Variants in ZNF496 observed in about 807,000 individuals in gnomAD.
ZNF496 encodes zinc finger protein 496, also known as NSD1 (nuclear receptor binding SET-domain containing 1)-interacting zinc finger protein 1.
In ZNF496, 11 loss-of-function variants were observed where a neutral mutation model predicts 58.9. That is an observed-to-expected ratio of 0.19 (90% CI 0.12 to 0.31). ZNF496 has a LOEUF of 0.31. Ranked by LOEUF, ZNF496 falls within the 10% of genes least tolerant of loss-of-function variation. The probability of loss-of-function intolerance (pLI) is 1.00; values close to 1 mark genes in which losing one functional copy is unlikely to be tolerated. For missense variants in ZNF496, 660 were observed against 783.0 expected (o/e 0.84, Z 1.88); for synonymous variants, 338 against 318.2 (o/e 1.06, Z -0.66).
intron 9 of ZNF496, chr1:247,307,384 T>G (rs1473222082): frequency 1.0e-6 from 1 of 985,330 alleles, no homozygotes; most frequent in African/African-American, 1.7e-5. Flanking sequence ...AAAACTCCTG[T>G]GTATAAATGA....
rs773378387 is a variant in ZNF496, at chr1:247,308,602, G to A, written c.893-14C>T. The stretch of plus-strand genomic sequence containing the variant: ...GACTTGGAGAGTCTTTCCAGAGGAG[G>A]AAATGGAAAAATTGATTTGTTTTGC... On this transcript the variant is annotated splice_polypyrimidine_tract_variant and intron_variant, in intron 8 of 9. Transcript: ENST00000682384. The surrounding 1 kb of genome is among the most constrained non-coding windows in gnomAD (Gnocchi z 4.5). 48 of 1,610,990 alleles carry A rather than the reference G, an allele frequency of 3.0e-5. No individual in the cohort carries two copies. The highest frequency in any genetic ancestry group is 1.5e-4 in the Admixed American group (9 of 59,974).
At chr1:247,328,547 C>T in intron 5 of ZNF496, 136 bp downstream of exon 5, 1 of 897,694 alleles carries the variant, frequency 1.1e-6, no homozygotes. Context: ...ACCCTGACAA[C>T]AGCTCACAGC....
chr1:247,310,590 T>C, intron 6 of ZNF496, 134 bp from the exon 7 acceptor site: 2 of 1,183,352 alleles, frequency 1.7e-6, no homozygotes, highest in South Asian at 3.1e-5. Context: ...TTCCTCACAG[T>C]TCTGGAGGCT....
rs1648105048 is a variant in ZNF496 at position 247,300,055 on chromosome 1, A to C, written c.*464T>G. ...CCTGCCTTCTTCTTTCCTCTAGTCC[A>C]ACATCCGCCAGCAGCTTCTCAGTGG... On this transcript the variant is annotated 3_prime_UTR_variant, in exon 10 of 10. Transcript: ENST00000682384. The surrounding 1 kb of genome is among the most constrained non-coding windows in gnomAD (Gnocchi z 5.7). The C allele has an allele frequency of 6.5e-6, 1 of 154,282 alleles. No homozygotes were observed. The highest frequency in any genetic ancestry group is 1.4e-5 in the Non-Finnish European group (1 of 69,628). The allele number at this position is 154,282 out of a possible 1,614,324, so 9.6% of individuals were successfully genotyped here.
At chr1:247,305,658 A>G (rs550914055) in intron 9 of ZNF496, among the ~76,000 whole-genome samples, 18 of 152,264 alleles carry the variant, frequency 1.2e-4, no homozygotes, top group Non-Finnish European at 2.4e-4. Flanking sequence ...GTGAAAAACC[A>G]AAATGATAAA....
Position 247,297,719 on chromosome 1 carries a change from T to A in ZNF496, c.*2800A>T, listed in dbSNP as rs1659128056. 6.6e-6 allele frequency: 1 copy of A among 152,280 alleles called. No homozygotes were observed. Among genetic ancestry groups the A allele is most frequent in the Non-Finnish European group, 1.5e-5 (1 of 68,082 alleles). The allele number at this position is 152,280 out of a possible 1,614,324, so 9.4% of individuals were successfully genotyped here. ...TTGGCCGACCTCTCCTGAGAGCACG[T>A]TCCCCCTGCTGCTCCTGCTGCATGG... On this transcript the variant is annotated 3_prime_UTR_variant, in exon 10 of 10. Coordinates refer to ENST00000682384, the MANE Select transcript of ZNF496 (RefSeq NM_032752.3).
intron 9 of ZNF496, among the ~76,000 whole-genome samples, chr1:247,303,055 C>T (rs1353894195): frequency 1.3e-5 from 2 of 152,186 alleles, no homozygotes; most frequent in Non-Finnish European, 2.9e-5. Context: ...CATGATGAAG[C>T]CCTAACCCAT....
rs779324954 is a variant in ZNF496, at chr1:247,308,641, C to T, written c.893-53G>A. 8 of 1,519,072 alleles carry T rather than the reference C, an allele frequency of 5.3e-6. No individual in the cohort carries two copies. The highest frequency in any genetic ancestry group is 3.4e-4 in the Middle Eastern group (2 of 5,888). 94.1% of individuals were successfully genotyped at this position (1,519,072 alleles called of 1,614,324 possible). On this transcript the variant is annotated intron_variant, in intron 8 of 9. Transcript: ENST00000682384. The surrounding 1 kb of genome is among the most constrained non-coding windows in gnomAD (Gnocchi z 4.5). ...GATTTGTTTTGCACCTACAGCACTA[C>T]CTGGGAGGGTGCTATCCGAATAGAT...
At chr1:247,307,882 C>T (rs1160062751) in intron 9 of ZNF496, 23 of 984,954 alleles carry the variant, frequency 2.3e-5, no homozygotes, top group South Asian at 4.7e-5. Flanking sequence ...TTTACCAAGA[C>T]GACTCAGAGT....
At chr1:247,303,497 T>A (rs1659311760) in intron 9 of ZNF496, among the ~76,000 whole-genome samples, 1 of 152,222 alleles carries the variant, frequency 6.6e-6, no homozygotes. Flanking sequence ...CTGAAGTGCA[T>A]GTTTAAAAAG....
chr1:247,327,126 G>A (rs1474250651), intron 5 of ZNF496, among the ~76,000 whole-genome samples: 3 of 152,052 alleles, frequency 2.0e-5, no homozygotes, highest in Non-Finnish European at 4.4e-5. Flanking sequence ...ATGCAATGGC[G>A]TGATCTCAGC....
At chr1:247,301,475 C>T (rs1360059712) in intron 9 of ZNF496, among the ~76,000 whole-genome samples, 199 bp from the exon 10 acceptor site, 1 of 152,186 alleles carries the variant, frequency 6.6e-6, no homozygotes, top group Non-Finnish European at 1.5e-5. Flanking sequence ...ATGGGCCCCG[C>T]TGTGTCCAGA....
At chr1:247,327,560 C>T (rs1197340730) in intron 5 of ZNF496, among the ~76,000 whole-genome samples, 1 of 152,132 alleles carries the variant, frequency 6.6e-6, no homozygotes, top group Admixed American at 6.5e-5. Context: ...TTATGGCAGC[C>T]AACAACACAC....
Position 247,300,969 on chromosome 1 carries a change from C to T in ZNF496, c.1314G>A (p.Ser438=), listed in dbSNP as rs758785809. The change falls in exon 10 of 10, where the codon TCG becomes TCA. Residue 438 remains serine, a synonymous_variant. Coordinates refer to ENST00000682384, the MANE Select transcript of ZNF496 (RefSeq NM_032752.3). This position sits in a 1 kb window ranked among gnomAD's most constrained non-coding sequence, Gnocchi z 5.7. ...TGTCGCTGAACAGCTCCCCGCACAC[C>T]GAGCACTCGTGCGGCTTCTCCTGCT... ...RREQEKPHEC[S]VCGELFSDSE... 13 of 1,613,924 alleles carry T rather than the reference C, an allele frequency of 8.1e-6. No homozygotes were observed. Among genetic ancestry groups the T allele is most frequent in the East Asian group, 6.7e-5 (3 of 44,888 alleles).
In ZNF496 at chr1:247,331,520, C is replaced by A. The variant is rs1351585334; in HGVS notation, c.-242G>T. 1.3e-5 allele frequency: 2 copies of A among 152,270 alleles called. No homozygotes were observed. Among genetic ancestry groups the A allele is most frequent in the Non-Finnish European group, 2.9e-5 (2 of 68,112 alleles). The allele number at this position is 152,270 out of a possible 1,614,324, so 9.4% of individuals were successfully genotyped here. On this transcript the variant is annotated 5_prime_UTR_variant, in exon 2 of 10. Coordinates refer to ENST00000682384, the MANE Select transcript of ZNF496 (RefSeq NM_032752.3). ...GGGCAGCCGTCCTCATCCTCCCAGC[C>A]CGCCCGGCCGGGCGTACTCGCTGAG...
chr1:247,326,051 C>CACACACACACACATATAT (rs1437929179), intron 5 of ZNF496, among the ~76,000 whole-genome samples: 3 of 24,346 alleles, frequency 1.2e-4, no homozygotes, highest in African/African-American at 2.3e-4. Flanking sequence ...TATATATATA[C>CACACACACACACATATAT]ACACACACAC....
At chr1:247,307,016 A>AAAAT in intron 9 of ZNF496, 1 of 895,462 alleles carries the variant, frequency 1.1e-6, no homozygotes, top group Non-Finnish European at 1.3e-6. Context: ...TATGAGTGCA[A>AAAAT]AAATAAATAA....
rs543675148 is a variant in ZNF496, at chr1:247,298,602, A to G, written c.*1917T>C. The G allele has an allele frequency of 1.3e-5, 2 of 152,448 alleles. No homozygotes were observed. The highest frequency in any genetic ancestry group is 4.8e-5 in the African/African-American group (2 of 41,598). 9.4% of individuals were successfully genotyped at this position (152,448 alleles called of 1,614,324 possible). On this transcript the variant is annotated 3_prime_UTR_variant, in exon 10 of 10. Coordinates refer to ENST00000682384, the MANE Select transcript of ZNF496 (RefSeq NM_032752.3). ...AGTGCTAGGATTACAGGTGTGAGCC[A>G]CTGCACCCAGCCCAGAGTTTTCCTG...
intron 6 of ZNF496, among the ~76,000 whole-genome samples, chr1:247,315,930 C>T (rs991015239): frequency 3.3e-5 from 5 of 152,020 alleles, no homozygotes; most frequent in Non-Finnish European, 7.3e-5. Context: ...ATCTGCTGCT[C>T]GGAAGAGGTC....
Sources: allele counts gnomAD v4.1 joint callset (sites outside exome capture counted in the v4.1 genomes callset), GRCh38; gene constraint gnomAD v4.1.1; non-coding constraint Gnocchi (gnomAD v3.1); transcripts MANE v1.5; gene names NCBI Gene and HGNC (gene_info 2026-07-23, HGNC 2026-07-21).